Variants in ARL5A observed in about 807,000 individuals in gnomAD.
ARL5A encodes ARF like GTPase 5A.
ARL5A carries 18 observed loss-of-function variants against 25.9 expected under a neutral mutation model. The ratio of observed to expected loss-of-function variants is 0.69; its 90% CI spans 0.48 to 1.03. The LOEUF (loss-of-function observed/expected upper bound fraction) is 1.03, where lower values mean the gene tolerates loss of function less well. ARL5A is among the 50% of genes least tolerant of loss of function. ARL5A has a pLI of 0.00. For missense variants in ARL5A, 170 were observed against 211.9 expected (o/e 0.80, Z 1.23); for synonymous variants, 61 against 67.5 (o/e 0.90, Z 0.47).
At chr2:151,818,286 CT>C (rs1168361502) in intron 1 of ARL5A, among the ~76,000 whole-genome samples, 3 of 151,364 alleles carry the variant, frequency 2.0e-5, no homozygotes, top group South Asian at 2.1e-4. Context: ...TGAATCCTTT[CT>C]TTTTTTTTGA....
chr2:151,799,438 T>C lies in ARL5A; in HGVS notation c.*3838A>G, dbSNP rs2099829128. The stretch of plus-strand genomic sequence containing the variant: ...ATATAAATTTGGTTTGGCATCTTTT[T>C]CCAAATCAAACTGAACTGGTATTCT... On this transcript the variant is annotated 3_prime_UTR_variant, in exon 6 of 6. Transcript: ENST00000295087. The C allele has an allele frequency of 6.6e-6, 1 of 152,188 alleles. No individual in the cohort carries two copies. The highest frequency in any genetic ancestry group is 2.1e-4 in the South Asian group (1 of 4,834). The allele number at this position is 152,188 out of a possible 1,614,324, so 9.4% of individuals were successfully genotyped here.
chr2:151,816,642 T>C (rs937305010), intron 1 of ARL5A, among the ~76,000 whole-genome samples: 1 of 152,188 alleles, frequency 6.6e-6, no homozygotes, highest in African/African-American at 2.4e-5. Context: ...ACAATTAAAA[T>C]AGCACACAGC....
At chr2:151,819,057 TA>T (rs1166794136) in intron 1 of ARL5A, among the ~76,000 whole-genome samples, 4 of 151,904 alleles carry the variant, frequency 2.6e-5, no homozygotes, top group African/African-American at 4.8e-5. Flanking sequence ...ACTTTGACCC[TA>T]AAAACAGTAC....
At position 151,803,194 on chromosome 2, in the gene ARL5A, T is replaced by G; in HGVS notation, c.*82A>C. On this transcript the variant is annotated 3_prime_UTR_variant, in exon 6 of 6. Transcript: ENST00000295087. ...TTTAAATCAGTTTATTATAAATATA[T>G]CTAAACCATTAATTTTTGCAGCTTT... The G allele has an allele frequency of 1.0e-6, 1 of 956,476 alleles. No homozygotes were observed. The highest frequency in any genetic ancestry group is 1.6e-6 in the Non-Finnish European group (1 of 618,716). The allele number at this position is 956,476 out of a possible 1,614,324, so 59.2% of individuals were successfully genotyped here. A position where few individuals can be genotyped will look rare whatever the true frequency, so the allele number is the denominator to read the frequency against.
At chr2:151,808,211 A>G (rs758806727) in intron 4 of ARL5A, among the ~76,000 whole-genome samples, 2 of 152,248 alleles carry the variant, frequency 1.3e-5, no homozygotes, top group Non-Finnish European at 2.9e-5. Flanking sequence ...TGCCTGTTAC[A>G]TATTAAGAGA....
chr2:151,813,010 G>A (rs1294033785), intron 3 of ARL5A, among the ~76,000 whole-genome samples: 1 of 152,120 alleles, frequency 6.6e-6, no homozygotes, highest in East Asian at 1.9e-4. Context: ...GTATCAGAAG[G>A]TGCGATGAAA....
chr2:151,817,903 G>T (rs898120222), intron 1 of ARL5A, among the ~76,000 whole-genome samples: 3 of 152,172 alleles, frequency 2.0e-5, no homozygotes, highest in African/African-American at 7.2e-5. Context: ...TACTTGGGAG[G>T]CTGAGGCAGA....
chr2:151,824,623 A>G (rs1457984785), intron 1 of ARL5A, among the ~76,000 whole-genome samples: 2 of 152,176 alleles, frequency 1.3e-5, no homozygotes, highest in Non-Finnish European at 2.9e-5. Flanking sequence ...CAACCAAGAG[A>G]GCAATACAAG....
intron 5 of ARL5A, among the ~76,000 whole-genome samples, chr2:151,805,828 G>C (rs2099830029): frequency 6.6e-6 from 1 of 152,062 alleles, no homozygotes; most frequent in African/African-American, 2.4e-5. Context: ...CATCATTATA[G>C]GGTGCATGAC....
intron 1 of ARL5A, among the ~76,000 whole-genome samples, chr2:151,817,561 G>A (rs966063192): frequency 2.0e-5 from 3 of 152,204 alleles, no homozygotes; most frequent in African/African-American, 7.2e-5. Flanking sequence ...AAAATAGGAA[G>A]ATCAAGTAAA....
At position 151,828,395 on chromosome 2, in the gene ARL5A, C is replaced by A; in HGVS notation, c.-219G>T. ...CTGCCGCCGCGGCACTCGCCTGGCT[C>A]GCGGACATCGCCGCCGCGTTGTCTG... On this transcript the variant is annotated 5_prime_UTR_variant, in exon 1 of 6. Transcript: ENST00000295087. 2.5e-6 allele frequency: 1 copy of A among 402,052 alleles called. No individual in the cohort carries two copies. The highest frequency in any genetic ancestry group is 4.4e-6 in the Non-Finnish European group (1 of 228,996). The allele number at this position is 402,052 out of a possible 1,614,324, so 24.9% of individuals were successfully genotyped here. A position where few individuals can be genotyped will look rare whatever the true frequency, so the allele number is the denominator to read the frequency against.
At chr2:151,822,356 T>A (rs566697253) in intron 1 of ARL5A, among the ~76,000 whole-genome samples, 3 of 152,324 alleles carry the variant, frequency 2.0e-5, no homozygotes, top group Admixed American at 2.0e-4. Flanking sequence ...AGACATAGCA[T>A]GTGGGTCACA....
intron 5 of ARL5A, among the ~76,000 whole-genome samples, chr2:151,803,934 T>C (rs982034710): frequency 2.0e-5 from 3 of 152,170 alleles, no homozygotes; most frequent in Non-Finnish European, 4.4e-5. Flanking sequence ...GTACTTTTAA[T>C]AGGAAAATAA....
At chr2:151,815,114 A>G (rs762085000) in intron 2 of ARL5A, 25 bp downstream of exon 2, 2 of 1,546,620 alleles carry the variant, frequency 1.3e-6, no homozygotes, top group Non-Finnish European at 1.8e-6. Context: ...GAAATAAAAT[A>G]ATTTTTAAAA....
intron 1 of ARL5A, among the ~76,000 whole-genome samples, chr2:151,822,300 T>C (rs550295775): frequency 6.6e-6 from 1 of 152,240 alleles, no homozygotes; most frequent in Non-Finnish European, 1.5e-5. Context: ...CATGAGCCAC[T>C]GCGTCCCGGC....
chr2:151,806,857 C>T lies in ARL5A; in HGVS notation c.455G>A (p.Trp152Ter). 1 of 1,613,056 alleles carries T rather than the reference C, an allele frequency of 6.2e-7. No homozygotes were observed. The highest frequency in any genetic ancestry group is 1.3e-5 in the African/African-American group (1 of 74,964). Reference protein sequence around the residue: ...LKLTSIKDHQWHIQACCALTG... With the variant: ...LKLTSIKDHQ ...TAGAGCACAGCATGCCTGGATATGC[C>T]ACTGGTGATCTTTAATAGAAGTTAG... is the stretch of plus-strand genomic sequence containing the variant. The change falls in exon 5 of 6, where the codon TGG becomes TAG. Residue 152 changes from tryptophan (W) to a stop codon, truncating the protein, a stop_gained. Coordinates refer to ENST00000295087, the MANE Select transcript of ARL5A (RefSeq NM_012097.4). LOFTEE classifies it high-confidence loss of function.
intron 1 of ARL5A, among the ~76,000 whole-genome samples, chr2:151,816,775 C>T (rs1431405144): frequency 4.6e-5 from 7 of 152,178 alleles, no homozygotes; most frequent in Non-Finnish European, 1.0e-4. Context: ...CTAGTGATAT[C>T]TAGTACAACA....
At position 151,802,566 on chromosome 2, in the gene ARL5A, C is replaced by CA. The variant is rs2099829570; in HGVS notation, c.*709dup. On this transcript the variant is annotated 3_prime_UTR_variant, in exon 6 of 6. Coordinates refer to ENST00000295087, the MANE Select transcript of ARL5A (RefSeq NM_012097.4). Reference sequence around the variant, plus strand: ...CCATGTGTGTGATTTTGGTCAACAACAAAAAATCGATACACAATGTCATGC... The same window carrying CA: ...CCATGTGTGTGATTTTGGTCAACAACAAAAAAATCGATACACAATGTCATGC... 1 of 150,688 alleles carries CA rather than the reference C, an allele frequency of 6.6e-6. No homozygotes were observed. The highest frequency in any genetic ancestry group is 1.5e-5 in the Non-Finnish European group (1 of 67,596). 9.3% of individuals were successfully genotyped at this position (150,688 alleles called of 1,614,324 possible).
At chr2:151,828,009 A>G in intron 1 of ARL5A, 122 bp downstream of exon 1, 1 of 1,034,968 alleles carries the variant, frequency 9.7e-7, no homozygotes, top group South Asian at 1.4e-5. Context: ...CGCAGCCTGC[A>G]CCCCGCGCTG....
Sources: allele counts gnomAD v4.1 joint callset (sites outside exome capture counted in the v4.1 genomes callset), GRCh38; gene constraint gnomAD v4.1.1; transcripts MANE v1.5; gene names NCBI Gene and HGNC (gene_info 2026-07-23, HGNC 2026-07-21).